SPOCK3: variants seen among roughly 807,000 people sequenced by gnomAD.
The protein encoded by SPOCK3 is testican-3.
Under a neutral mutation model 56.6 loss-of-function variants are expected in SPOCK3, and 30 were observed. The ratio of observed to expected loss-of-function variants is 0.53; its 90% CI spans 0.40 to 0.72. The LOEUF (loss-of-function observed/expected upper bound fraction) is 0.72, where lower values mean the gene tolerates loss of function less well. Among genes scored for constraint, SPOCK3 ranks in the 30% least tolerant of loss-of-function variants. SPOCK3 has a pLI of 0.00. For missense variants in SPOCK3, 527 were observed against 530.0 expected (o/e 0.99, Z 0.06); for synonymous variants, 196 against 183.3 (o/e 1.07, Z -0.56).
At chr4:166,898,364 G>T (rs1287168974) in intron 5 of SPOCK3, among the ~76,000 whole-genome samples, 2 of 152,034 alleles carry the variant, frequency 1.3e-5, no homozygotes, top group Non-Finnish European at 2.9e-5. Context: ...GAGACAGAAG[G>T]CCCAGTACAC....
rs117203469 is a variant in SPOCK3 at position 166,981,632 on chromosome 4, C to T, written c.350+18717G>A. ...GGCCTGGAAAAAGCAACATAATTCT[C>T]GCTCCTGTCCACCAACTTCATTCAG... On this transcript the variant is annotated intron_variant, in intron 4 of 10. Transcript: ENST00000357545. Among the ~76,000 whole-genome samples, 189 of 152,294 alleles carry T rather than the reference C, an allele frequency of 1.2e-3. 2 individuals are homozygous for T. In the East Asian group the frequency reaches 0.029, roughly 24 times the overall value.
chr4:167,092,412 G>C (rs553044269), intron 2 of SPOCK3, among the ~76,000 whole-genome samples: 1 of 152,150 alleles, frequency 6.6e-6, no homozygotes, highest in Admixed American at 6.5e-5. Context: ...CACGCTCCTG[G>C]CAAGCATTCT....
chr4:166,942,410 C>T (rs1006827053), intron 4 of SPOCK3, among the ~76,000 whole-genome samples: 3 of 150,076 alleles, frequency 2.0e-5, no homozygotes, highest in African/African-American at 4.9e-5. Flanking sequence ...GGGGTTTCAT[C>T]GTGATGGCCA....
intron 5 of SPOCK3, among the ~76,000 whole-genome samples, chr4:166,896,779 A>C (rs182787315): frequency 1.3e-5 from 2 of 152,324 alleles, no homozygotes. Context: ...TTAAATGTGC[A>C]ATAGAATCAG....
At chr4:166,991,429 G>A (rs1413222818) in intron 4 of SPOCK3, among the ~76,000 whole-genome samples, 2 of 151,568 alleles carry the variant, frequency 1.3e-5, no homozygotes, top group Non-Finnish European at 2.9e-5. Flanking sequence ...GAGTGCAATG[G>A]CACGATCTTG....
chr4:166,808,893 C>A (rs974538860), intron 6 of SPOCK3, among the ~76,000 whole-genome samples: 2 of 152,026 alleles, frequency 1.3e-5, no homozygotes, highest in African/African-American at 4.8e-5. Context: ...CATTATTTCT[C>A]AAATGAAGTC....
chr4:167,116,828 A>T (rs1761448152), intron 2 of SPOCK3, among the ~76,000 whole-genome samples: 1 of 140,630 alleles, frequency 7.1e-6, no homozygotes, highest in African/African-American at 2.6e-5. Flanking sequence ...TATATATATA[A>T]AAGTATATAT....
At chr4:167,183,123 A>C (rs563107285) in intron 2 of SPOCK3, among the ~76,000 whole-genome samples, 1 of 152,238 alleles carries the variant, frequency 6.6e-6, no homozygotes, top group East Asian at 1.9e-4. Context: ...AATATGGAAC[A>C]GAGCAACTCC....
chr4:167,056,214 C>A (rs879890594), intron 3 of SPOCK3, among the ~76,000 whole-genome samples: 25 of 152,214 alleles, frequency 1.6e-4, no homozygotes, highest in Admixed American at 3.3e-4. Context: ...GGACCTCTAG[C>A]AAACTCCAAC....
intron 4 of SPOCK3, among the ~76,000 whole-genome samples, chr4:166,981,270 G>A (rs1022273595): frequency 6.6e-5 from 10 of 151,672 alleles, no homozygotes; most frequent in Non-Finnish European, 1.5e-4. Flanking sequence ...CCTGATGAGC[G>A]TAGCCCTCAG....
chr4:166,931,067 C>T (rs1222822428), intron 4 of SPOCK3, among the ~76,000 whole-genome samples: 1 of 152,116 alleles, frequency 6.6e-6, no homozygotes, highest in Non-Finnish European at 1.5e-5. Context: ...CTGCAACCTC[C>T]ACTTACCAGG....
At chr4:166,953,514 G>A (rs1319899094) in intron 4 of SPOCK3, among the ~76,000 whole-genome samples, 4 of 151,892 alleles carry the variant, frequency 2.6e-5, no homozygotes, top group Non-Finnish European at 5.9e-5. Flanking sequence ...AACCATTGTG[G>A]AAGTCAGTGT....
chr4:166,808,318 T>G (rs2126714974), intron 6 of SPOCK3, among the ~76,000 whole-genome samples: 1 of 152,198 alleles, frequency 6.6e-6, no homozygotes, highest in African/African-American at 2.4e-5. Context: ...CAAACACATA[T>G]GTTGAAGCCC....
At chr4:167,129,269 G>T (rs1247683489) in intron 2 of SPOCK3, among the ~76,000 whole-genome samples, 2 of 152,226 alleles carry the variant, frequency 1.3e-5, no homozygotes, top group Non-Finnish European at 2.9e-5. Context: ...ACATGAATCA[G>T]ATGGAGGTCC....
At chr4:166,819,983 C>CA (rs1164269835) in intron 6 of SPOCK3, among the ~76,000 whole-genome samples, 1 of 151,958 alleles carries the variant, frequency 6.6e-6, no homozygotes, top group African/African-American at 2.4e-5. Context: ...CACCCACCCC[C>CA]AAATGCTGAG....
At chr4:166,955,522 TATATTATTAAATTTA>T (rs1448004002) in intron 4 of SPOCK3, among the ~76,000 whole-genome samples, 1 of 104,784 alleles carries the variant, frequency 9.5e-6, no homozygotes, top group Non-Finnish European at 1.9e-5. Context: ...TAAATTATAT[TATATTATTAAATTTA>T]ATATTATTAA....
At chr4:166,803,544 G>C (rs1438338368) in intron 6 of SPOCK3, among the ~76,000 whole-genome samples, 6 of 152,178 alleles carry the variant, frequency 3.9e-5, no homozygotes, top group Non-Finnish European at 8.8e-5. Flanking sequence ...ACGTCTTAAA[G>C]ATGACAAACT....
intron 8 of SPOCK3, among the ~76,000 whole-genome samples, chr4:166,748,076 A>G (rs538985336): frequency 1.3e-5 from 2 of 152,008 alleles, no homozygotes; most frequent in African/African-American, 4.8e-5. Context: ...TAATTTATAG[A>G]TTCAATGCCA....
chr4:166,770,045 T>C (rs1738720145), intron 7 of SPOCK3, among the ~76,000 whole-genome samples: 1 of 152,026 alleles, frequency 6.6e-6, no homozygotes, highest in African/African-American at 2.4e-5. Flanking sequence ...AAAAGCACAG[T>C]ATTAGGGTGA....
Sources: allele counts gnomAD v4.1 joint callset (sites outside exome capture counted in the v4.1 genomes callset), GRCh38; gene constraint gnomAD v4.1.1; transcripts MANE v1.5; gene names NCBI Gene and HGNC (gene_info 2026-07-23, HGNC 2026-07-21).